Variants in MACROD2 observed in about 807,000 individuals in gnomAD.
MACROD2 encodes the protein ADP-ribose glycohydrolase MACROD2.
In MACROD2, 36 loss-of-function variants were observed where a neutral mutation model predicts 70.4. That is an observed-to-expected ratio of 0.51 (90% CI 0.39 to 0.68). The LOEUF is 0.68. MACROD2 is among the 30% of genes least tolerant of loss of function. The probability of loss-of-function intolerance (pLI) is 0.00; values close to 1 mark genes in which losing one functional copy is unlikely to be tolerated. For missense variants in MACROD2, 496 were observed against 538.4 expected, an observed-to-expected ratio of 0.92 and a Z score of 0.78; for synonymous variants, 172 against 178.8, an observed-to-expected ratio of 0.96 and a Z score of 0.30.
At chr20:14,953,615 A>T (rs1369012453) in intron 5 of MACROD2, among the ~76,000 whole-genome samples, 1 of 152,120 alleles carries the variant, frequency 6.6e-6, no homozygotes, top group African/African-American at 2.4e-5. Flanking sequence ...TCATTGTTTA[A>T]AAAAGTTATA....
chr20:15,033,328 G>C (rs2123003844), intron 5 of MACROD2, among the ~76,000 whole-genome samples: 1 of 152,316 alleles, frequency 6.6e-6, no homozygotes, highest in African/African-American at 2.4e-5. Flanking sequence ...TGAAAAATCA[G>C]TCTCTTGCTA....
intron 5 of MACROD2, among the ~76,000 whole-genome samples, chr20:15,003,237 G>A (rs2075009479): frequency 6.6e-6 from 1 of 152,154 alleles, no homozygotes; most frequent in Non-Finnish European, 1.5e-5. Context: ...GCTTTCCAAT[G>A]TAGTCAGGGG....
intron 5 of MACROD2, among the ~76,000 whole-genome samples, chr20:14,921,380 C>A (rs898866801): frequency 2.0e-5 from 3 of 152,120 alleles, no homozygotes; most frequent in Admixed American, 6.6e-5. Flanking sequence ...CTGAGACAAG[C>A]ACAATTTAAA....
intron 3 of MACROD2, among the ~76,000 whole-genome samples, chr20:14,247,394 CTT>C (rs765103457): frequency 6.6e-6 from 1 of 152,082 alleles, no homozygotes; most frequent in Non-Finnish European, 1.5e-5. Flanking sequence ...GTTATGTGGA[CTT>C]TTGCAGTGTT....
At chr20:15,744,013 AC>A (rs2051143697) in intron 8 of MACROD2, among the ~76,000 whole-genome samples, 1 of 151,832 alleles carries the variant, frequency 6.6e-6, no homozygotes, top group African/African-American at 2.4e-5. Flanking sequence ...CCAATTGACA[AC>A]CCCCTTCTTT....
At chr20:14,561,988 TTTTTAAC>T (rs1439382387) in intron 4 of MACROD2, among the ~76,000 whole-genome samples, 1 of 151,914 alleles carries the variant, frequency 6.6e-6, no homozygotes, top group African/African-American at 2.4e-5. Flanking sequence ...CTTTTTATTT[TTTTTAAC>T]TTTAATAGTC....
At chr20:16,020,754 C>T (rs1026165238) in intron 15 of MACROD2, among the ~76,000 whole-genome samples, 4 of 152,056 alleles carry the variant, frequency 2.6e-5, no homozygotes, top group East Asian at 1.9e-4. Context: ...CATGCAGCCA[C>T]GTACAAGTGG....
chr20:14,468,617 A>G (rs931566636), intron 3 of MACROD2, among the ~76,000 whole-genome samples: 6 of 151,774 alleles, frequency 4.0e-5, no homozygotes, highest in African/African-American at 9.7e-5. Context: ...GGTTCAAGCA[A>G]TTCTCTGCCT....
chr20:14,920,794 A>C (rs2074153351), intron 5 of MACROD2, among the ~76,000 whole-genome samples: 1 of 152,202 alleles, frequency 6.6e-6, no homozygotes, highest in Non-Finnish European at 1.5e-5. Flanking sequence ...ATAAAAATAG[A>C]AGGGTTATGT....
chr20:14,071,511 C>G (rs551884540), intron 2 of MACROD2, among the ~76,000 whole-genome samples: 2 of 151,974 alleles, frequency 1.3e-5, no homozygotes, highest in Non-Finnish European at 2.9e-5. Flanking sequence ...CCACCTACCT[C>G]GGCCTCCCAA....
At chr20:15,340,456 C>T (rs578210826) in intron 6 of MACROD2, among the ~76,000 whole-genome samples, 1 of 152,128 alleles carries the variant, frequency 6.6e-6, no homozygotes, top group African/African-American at 2.4e-5. Flanking sequence ...CTTTTTAACT[C>T]TCCTTTGAAT....
chr20:15,811,890 G>T (rs1192318689), intron 8 of MACROD2, among the ~76,000 whole-genome samples: 1 of 152,150 alleles, frequency 6.6e-6, no homozygotes, highest in African/African-American at 2.4e-5. Context: ...GCAAGAGTCT[G>T]GTGGCTAAAA....
Position 14,129,148 on chromosome 20 carries a change from G to T in MACROD2, c.271+43420G>T, listed in dbSNP as rs117663983. On this transcript the variant is annotated intron_variant, in intron 3 of 17. Coordinates refer to ENST00000684519, the MANE Select transcript of MACROD2 (RefSeq NM_001351661.2). ...TGGATATGGACAAAGTAATTGAAAA[G>T]CTTCTAGAGAAAAAAGTAACCATTC... 3.4e-3 allele frequency among the ~76,000 whole-genome samples: 525 copies of T among 152,234 alleles called. 4 individuals are homozygous for T. Among genetic ancestry groups the T allele is most frequent in the Non-Finnish European group, 5.6e-3 (382 of 68,004 alleles).
At chr20:15,249,537 C>T (rs1401721760) in intron 6 of MACROD2, among the ~76,000 whole-genome samples, 2 of 152,172 alleles carry the variant, frequency 1.3e-5, no homozygotes, top group Non-Finnish European at 2.9e-5. Context: ...TTAGCATGTG[C>T]TTCCCAATAC....
intron 5 of MACROD2, among the ~76,000 whole-genome samples, chr20:15,004,578 C>A (rs1289743858): frequency 6.6e-6 from 1 of 152,112 alleles, no homozygotes; most frequent in Non-Finnish European, 1.5e-5. Flanking sequence ...ATTTCTTTTG[C>A]CACTAAAGAC....
chr20:14,828,080 T>C (rs1215325280), intron 5 of MACROD2, among the ~76,000 whole-genome samples: 1 of 152,100 alleles, frequency 6.6e-6, no homozygotes, highest in African/African-American at 2.4e-5. Flanking sequence ...TATATACCAA[T>C]TAAAGGTAAG....
chr20:14,623,038 A>G (rs1983922446), intron 4 of MACROD2: 1 of 152,274 alleles, frequency 6.6e-6, no homozygotes, highest in South Asian at 2.1e-4. Flanking sequence ...CCCAGGGGCT[A>G]GCTCACATCC....
intron 10 of MACROD2, among the ~76,000 whole-genome samples, chr20:15,924,544 T>C (rs2065460312): frequency 1.3e-5 from 2 of 152,220 alleles, no homozygotes; most frequent in Admixed American, 6.5e-5. Context: ...AGCCTCAGTT[T>C]CACTTTGTGC....
At chr20:14,469,695 T>C (rs2084503800) in intron 3 of MACROD2, among the ~76,000 whole-genome samples, 2 of 151,892 alleles carry the variant, frequency 1.3e-5, no homozygotes, top group Admixed American at 6.6e-5. Context: ...ATCTCTGATA[T>C]CCTTTCTTCT....
Sources: gnomAD v4.1 joint callset for allele counts (sites outside exome capture counted in the v4.1 genomes callset) on GRCh38, gnomAD v4.1.1 for gene constraint, MANE v1.5 for transcripts, NCBI Gene and HGNC (gene_info 2026-07-23, HGNC 2026-07-21) for gene names.